The following TAX1BP1 variants were observed in gnomAD, a reference collection of about 807,000 sequenced individuals.
TAX1BP1 encodes tax1-binding protein 1.
A neutral mutation model predicts 97.7 loss-of-function variants in TAX1BP1; 62 were observed. That is an observed-to-expected ratio of 0.63 (90% CI 0.52 to 0.78). The LOEUF (loss-of-function observed/expected upper bound fraction) is 0.78, where lower values mean the gene tolerates loss of function less well. TAX1BP1 is among the 30% of genes least tolerant of loss of function. The pLI, the probability that TAX1BP1 is intolerant of heterozygous loss-of-function variation, is 0.00. For synonymous variants in TAX1BP1, 340 were observed against 304.2 expected (o/e 1.12, Z -1.23); for missense variants, 867 against 916.1 (o/e 0.95, Z 0.69).
intron 5 of TAX1BP1, among the ~76,000 whole-genome samples, chr7:27,784,455 G>A (rs1789389523): frequency 1.3e-5 from 2 of 151,992 alleles, no homozygotes; most frequent in South Asian, 4.2e-4. Context: ...ATTTGTTTAG[G>A]CCTCTGAGTC....
intron 13 of TAX1BP1, among the ~76,000 whole-genome samples, chr7:27,813,053 A>C (rs180721209): frequency 6.6e-6 from 1 of 151,096 alleles, no homozygotes; most frequent in Non-Finnish European, 1.5e-5. Flanking sequence ...CTCCTCATCT[A>C]TATTCTTATG....
At chr7:27,792,948 C>A in intron 9 of TAX1BP1, 118 bp from the exon 10 acceptor site, 2 of 890,928 alleles carry the variant, frequency 2.2e-6, no homozygotes, top group Non-Finnish European at 3.3e-6. Context: ...GGTGACAGAG[C>A]AAGACTCTGT....
At chr7:27,768,433 T>G (rs1788722327) in intron 4 of TAX1BP1, among the ~76,000 whole-genome samples, 1 of 152,012 alleles carries the variant, frequency 6.6e-6, no homozygotes, top group South Asian at 2.1e-4. Flanking sequence ...AATGTCTACT[T>G]AAGCTTTAGT....
chr7:27,790,609 A>G (rs1789667486), intron 8 of TAX1BP1, among the ~76,000 whole-genome samples: 2 of 151,948 alleles, frequency 1.3e-5, no homozygotes, highest in South Asian at 4.1e-4. Flanking sequence ...TTAGGTTCTT[A>G]ATGATTTTTC....
chr7:27,823,404 A>G (rs755339900), intron 15 of TAX1BP1, among the ~76,000 whole-genome samples: 11 of 152,194 alleles, frequency 7.2e-5, no homozygotes, highest in Non-Finnish European at 1.6e-4. Context: ...GAGTTTTGTT[A>G]AGTGGTGAAA....
chr7:27,760,596 G>T (rs538192019), intron 3 of TAX1BP1, among the ~76,000 whole-genome samples: 31 of 151,962 alleles, frequency 2.0e-4, no homozygotes, highest in African/African-American at 7.5e-4. Flanking sequence ...GGGTTTCACC[G>T]TGTTAGCCAG....
At chr7:27,783,092 G>A (rs537820557) in intron 5 of TAX1BP1, among the ~76,000 whole-genome samples, 2 of 152,224 alleles carry the variant, frequency 1.3e-5, no homozygotes, top group African/African-American at 4.8e-5. Context: ...GCATGAATCT[G>A]AAGTACTCAA....
rs772679952 is a variant in TAX1BP1, at chr7:27,792,068, G to T, written c.1101G>T (p.Arg367=). Residue 367 remains arginine (R), a synonymous_variant, in exon 9 of 17, where the codon CGG becomes CGT. Coordinates refer to ENST00000396319, the MANE Select transcript of TAX1BP1 (RefSeq NM_006024.7). ...CAGAGGAACAGGTTCAGGCAACTCGGCAAGAAGTTGTCTTTCTGGCTAAAG... is the reference window on the plus strand; with the variant it reads ...CAGAGGAACAGGTTCAGGCAACTCGTCAAGAAGTTGTCTTTCTGGCTAAAG... The part of the protein sequence containing the change: ...RKAEEQVQAT[R]QEVVFLAKEL... The T allele has an allele frequency of 6.2e-7, 1 of 1,614,054 alleles. No homozygotes were observed. Among genetic ancestry groups the T allele is most frequent in the East Asian group, 2.2e-5 (1 of 44,876 alleles).
rs970961431 is a variant in TAX1BP1 at position 27,787,462 on chromosome 7, A to G, written c.897A>G (p.Ser299=). 6.2e-7 allele frequency: 1 copy of G among 1,612,458 alleles called. No homozygotes were observed. The highest frequency in any genetic ancestry group is 1.7e-5 in the Admixed American group (1 of 59,842). ...AAATAGAAAATACCAAGCTTATGTC[A>G]GAGGTCCAGACTTTAAAAAATTTAG... is the stretch of plus-strand genomic sequence containing the variant. ...NTEIENTKLM[S]EVQTLKNLDG... Residue 299 remains serine, a synonymous_variant, in exon 8 of 17, where the codon TCA becomes TCG. Coordinates refer to ENST00000396319, the MANE Select transcript of TAX1BP1 (RefSeq NM_006024.7).
rs754395332 is a variant in TAX1BP1 at position 27,828,880 on chromosome 7, A to C, written c.*51A>C. 148 of 1,416,854 alleles carry C rather than the reference A, an allele frequency of 1.0e-4. No homozygotes were observed. The highest frequency in any genetic ancestry group is 9.4e-4 in the African/African-American group (64 of 68,264). 87.8% of individuals were successfully genotyped at this position (1,416,854 alleles called of 1,614,324 possible). A position where few individuals can be genotyped will look rare whatever the true frequency, so the allele number is the denominator to read the frequency against. ...GTTTAGCAGTAAAAAAAAAAAAAAA[A>C]ACCACACCTAAAATAGACCACTGAG... On this transcript the variant is annotated 3_prime_UTR_variant, in exon 17 of 17. Transcript: ENST00000396319.
At chr7:27,781,347 A>C (rs1053711560) in intron 5 of TAX1BP1, among the ~76,000 whole-genome samples, 2 of 152,156 alleles carry the variant, frequency 1.3e-5, no homozygotes, top group African/African-American at 2.4e-5. Context: ...ACTTACACAA[A>C]CCTAGATAGT....
Position 27,792,190 on chromosome 7 carries a change from C to G in TAX1BP1, c.1223C>G (p.Ala408Gly), listed in dbSNP as rs761332371. 1.2e-6 allele frequency: 2 copies of G among 1,613,372 alleles called. No individual in the cohort carries two copies. The highest frequency in any genetic ancestry group is 1.7e-6 in the Non-Finnish European group (2 of 1,179,748). The change falls in exon 9 of 17, where the codon GCA (alanine) becomes GGA (glycine). Residue 408 changes from alanine to glycine, a missense_variant. Coordinates refer to ENST00000396319, the MANE Select transcript of TAX1BP1 (RefSeq NM_006024.7). ...NEKVKKQLADAVAELKLNAMK... is the reference protein window; with the variant it reads ...NEKVKKQLADGVAELKLNAMK... ...AAAGTGAAAAAGCAGTTAGCTGATG[C>G]AGTGGCAGAACTTAAACTAAATGCT...
chr7:27,803,854 CTTGT>C (rs143559199), intron 13 of TAX1BP1, among the ~76,000 whole-genome samples: 6,375 of 152,222 alleles, frequency 0.042, 419 homozygotes, highest in African/African-American at 0.15. Flanking sequence ...AGGTAAAGTG[CTTGT>C]TTGTTTGAGT....
At chr7:27,824,191 C>G (rs1301454420) in intron 15 of TAX1BP1, among the ~76,000 whole-genome samples, 7 of 152,068 alleles carry the variant, frequency 4.6e-5, no homozygotes, top group Non-Finnish European at 1.0e-4. Flanking sequence ...TTTTGAGGAA[C>G]TACCATGTAT....
At chr7:27,793,317 C>T (rs1789791256) in intron 10 of TAX1BP1, 105 bp downstream of exon 10, 2 of 1,061,830 alleles carry the variant, frequency 1.9e-6, no homozygotes, top group Non-Finnish European at 1.3e-6. Flanking sequence ...TATTATTTAT[C>T]TCTGCTTGAT....
intron 13 of TAX1BP1, among the ~76,000 whole-genome samples, chr7:27,809,235 C>T (rs1790459215): frequency 6.6e-6 from 1 of 152,106 alleles, no homozygotes; most frequent in South Asian, 2.1e-4. Flanking sequence ...CTGATAATGA[C>T]CATAATTTTG....
chr7:27,766,419 C>CAAAAAAAAAA (rs201297532), intron 4 of TAX1BP1, among the ~76,000 whole-genome samples: 3 of 76,908 alleles, frequency 3.9e-5, no homozygotes, highest in Non-Finnish European at 7.3e-5. Flanking sequence ...GACTCCGTAT[C>CAAAAAAAAAA]AAAAAAAAAA....
chr7:27,788,989 A>G (rs1234621531), intron 8 of TAX1BP1, among the ~76,000 whole-genome samples: 2 of 151,920 alleles, frequency 1.3e-5, no homozygotes, highest in Non-Finnish European at 2.9e-5. Context: ...GCTCCATTCC[A>G]TATTTATATC....
chr7:27,753,815 C>T (rs1788108786), intron 2 of TAX1BP1, among the ~76,000 whole-genome samples: 1 of 152,134 alleles, frequency 6.6e-6, no homozygotes, highest in Non-Finnish European at 1.5e-5. Flanking sequence ...ATTAAAATAT[C>T]TTATTGTACT....
Sources: gnomAD v4.1 joint callset for allele counts (sites outside exome capture counted in the v4.1 genomes callset) on GRCh38, gnomAD v4.1.1 for gene constraint, MANE v1.5 for transcripts, NCBI Gene and HGNC (gene_info 2026-07-23, HGNC 2026-07-21) for gene names.